The following ZNF335 variants were observed in gnomAD, a reference collection of about 807,000 sequenced individuals.
The protein encoded by ZNF335 is zinc finger protein 335, also known as NRC-interacting factor 1.
Under a neutral mutation model 145.6 loss-of-function variants are expected in ZNF335, and 84 were observed. That is an observed-to-expected ratio of 0.58 (90% CI 0.48 to 0.69). ZNF335 has a LOEUF of 0.69. Ranked by LOEUF, ZNF335 falls within the 30% of genes least tolerant of loss-of-function variation. ZNF335 has a pLI of 0.00. For synonymous variants in ZNF335, 761 were observed against 717.0 expected (o/e 1.06, Z -0.98); for missense variants, 1,865 against 1,809.7 (o/e 1.03, Z -0.55).
intron 15 of ZNF335, 40 bp downstream of exon 15, chr20:45,959,161 C>G (rs201865334): frequency 4.6e-6 from 6 of 1,310,972 alleles, no homozygotes; most frequent in Non-Finnish European, 5.9e-6. Flanking sequence ...CTGGGAGAAG[C>G]GGCCTCACTC....
In ZNF335 at chr20:45,963,866, G is replaced by A. The variant is rs1383010841; in HGVS notation, c.1227C>T (p.Thr409=). The change falls in exon 8 of 28, where the codon ACC becomes ACT. Residue 409 remains threonine, a synonymous_variant. Transcript: ENST00000322927. ...HLVAMGKVSR[T]PVEAGVSQSD... is the part of the protein sequence containing the mutation. ...ACTGGCTCACACCAGCTTCCACAGGGGTCCTGCTCACCTTGCCCATGGCCA... is the reference window on the plus strand; with the variant it reads ...ACTGGCTCACACCAGCTTCCACAGGAGTCCTGCTCACCTTGCCCATGGCCA... The A allele has an allele frequency of 6.2e-7, 1 of 1,610,196 alleles. No individual in the cohort carries two copies. Among genetic ancestry groups the A allele is most frequent in the Admixed American group, 1.7e-5 (1 of 59,688 alleles).
At position 45,971,273 on chromosome 20, in the gene ZNF335, C is replaced by T; in HGVS notation, c.138G>A (p.Pro46=). ...SADSSDAAAA[P]GQAEADDSGV... ...CAGAGTCATCGGCCTCTGCCTGCCC[C>T]GGGGCGGCCGCGGCGTCGCTGCTGT... Residue 46 remains proline, a synonymous_variant, in exon 2 of 28, where the codon CCG becomes CCA. Coordinates refer to ENST00000322927, the MANE Select transcript of ZNF335 (RefSeq NM_022095.4). The T allele has an allele frequency of 6.4e-7, 1 of 1,571,298 alleles. No homozygotes were observed. The highest frequency in any genetic ancestry group is 8.6e-7 in the Non-Finnish European group (1 of 1,164,418).
At chr20:45,968,528 C>T in intron 3 of ZNF335, 166 bp from the exon 4 acceptor site, 4 of 594,442 alleles carry the variant, frequency 6.7e-6, no homozygotes, top group South Asian at 6.4e-5. Context: ...TCAGTTGACT[C>T]CCCTGGCAGG....
intron 26 of ZNF335, 26 bp from the exon 27 acceptor site, chr20:45,949,277 C>G (rs771016780): frequency 6.2e-7 from 1 of 1,613,936 alleles, no homozygotes; most frequent in Non-Finnish European, 8.5e-7. Flanking sequence ...TGATAAGATG[C>G]TGGCCTGGAG....
chr20:45,962,055 C>A lies in ZNF335; in HGVS notation c.1646+15G>T. ...TGGCCTCTCTTGCCCAGGTCCCTCC[C>A]ACCCCCACACTGACCGGTCCCGGCT... On this transcript the variant is annotated intron_variant, in intron 10 of 27. Transcript: ENST00000322927. The A allele has an allele frequency of 6.2e-7, 1 of 1,604,626 alleles. No individual in the cohort carries two copies.
At chr20:45,964,995 C>T (rs972314694) in intron 7 of ZNF335, among the ~76,000 whole-genome samples, 1 of 151,282 alleles carries the variant, frequency 6.6e-6, no homozygotes, top group Non-Finnish European at 1.5e-5. Context: ...CATGACGCTG[C>T]ACTCCAGCCC....
chr20:45,963,946 G>C lies in ZNF335; in HGVS notation c.1147C>G (p.Pro383Ala), dbSNP rs764446651. Residue 383 changes from proline to alanine, a missense_variant, in exon 8 of 28, where the codon CCT (proline) becomes GCT (alanine). Transcript: ENST00000322927. ...PLVSSQSGQS[P>A]PEPQDPEAPS... The stretch of plus-strand genomic sequence containing the variant: ...GCCTCGGGATCCTGTGGCTCTGGAG[G>C]GCTCTGTCCACTCTGGGAACTCACT... 1.3e-6 allele frequency: 2 copies of C among 1,544,130 alleles called. No individual in the cohort carries two copies. The highest frequency in any genetic ancestry group is 1.7e-6 in the Non-Finnish European group (2 of 1,146,904).
Position 45,967,578 on chromosome 20 carries a change from A to G in ZNF335, c.871T>C (p.Ser291Pro). ...KKGRLRKWSTSTKSQEEEGPE... is the reference protein window; with the variant it reads ...KKGRLRKWSTPTKSQEEEGPE... ...CCCTCTTCCTCTTGGCTCTTGGTGGAGGTGCTCCACTTCCGTAGACGTCCT... is the reference window on the plus strand; with the variant it reads ...CCCTCTTCCTCTTGGCTCTTGGTGGGGGTGCTCCACTTCCGTAGACGTCCT... The change falls in exon 6 of 28, where the codon TCC (serine) becomes CCC (proline). Residue 291 changes from serine to proline, a missense_variant. Ser to Pro is a moderately conservative substitution (Grantham distance 74). Coordinates refer to ENST00000322927, the MANE Select transcript of ZNF335 (RefSeq NM_022095.4). 1 of 1,613,750 alleles carries G rather than the reference A, an allele frequency of 6.2e-7. No homozygotes were observed. The highest frequency in any genetic ancestry group is 8.5e-7 in the Non-Finnish European group (1 of 1,179,882).
intron 20 of ZNF335, 122 bp from the exon 21 acceptor site, chr20:45,950,717 T>A: frequency 2.2e-6 from 3 of 1,371,658 alleles, no homozygotes; most frequent in Non-Finnish European, 3.0e-6. Context: ...ACCAAAATCC[T>A]GTGCACTAAC....
At chr20:45,956,945 C>G (rs2083739212) in intron 17 of ZNF335, among the ~76,000 whole-genome samples, 1 of 152,164 alleles carries the variant, frequency 6.6e-6, no homozygotes, top group Admixed American at 6.5e-5. Context: ...CTATACACCC[C>G]TAACTGCCAT....
chr20:45,954,057 GACCAGTGCTGCC>G, intron 17 of ZNF335, 109 bp from the exon 18 acceptor site: 1 of 1,313,934 alleles, frequency 7.6e-7, no homozygotes, highest in Admixed American at 2.4e-5. Context: ...ACTCTAGTCA[GACCAGTGCTGCC>G]ACCACTCATT....
chr20:45,958,111 C>G (rs1022655912), intron 15 of ZNF335, among the ~76,000 whole-genome samples, 183 bp from the exon 16 acceptor site: 1 of 151,080 alleles, frequency 6.6e-6, no homozygotes, highest in African/African-American at 2.4e-5. Context: ...TACAATGGCT[C>G]AATCTAGGCT....
intron 14 of ZNF335, 89 bp from the exon 15 acceptor site, chr20:45,959,522 A>G (rs1323486327): frequency 1.0e-6 from 1 of 1,000,124 alleles, no homozygotes; most frequent in Non-Finnish European, 1.4e-6. Context: ...GGATCTCTCC[A>G]ACTGACTGAC....
At chr20:45,954,022 C>A in intron 17 of ZNF335, 74 bp from the exon 18 acceptor site, 1 of 1,490,942 alleles carries the variant, frequency 6.7e-7, no homozygotes, top group Non-Finnish European at 9.0e-7. Flanking sequence ...CCTCCCCCAT[C>A]TCAGTGTCCC....
chr20:45,950,281 G>A lies in ZNF335; in HGVS notation c.3425C>T (p.Thr1142Ile). 1 of 1,558,582 alleles carries A rather than the reference G, an allele frequency of 6.4e-7. No homozygotes were observed. The highest frequency in any genetic ancestry group is 1.8e-5 in the Admixed American group (1 of 54,204). ...GATGATGGTCTGGGTTGGGGTCTGG[G>A]TAGGGGCCCGGGCTGTAGGGGTTCC... ...KSGTPTARAP[T>I]QTPTQTIILN... Residue 1142 changes from threonine to isoleucine, a missense_variant, in exon 22 of 28, where the codon ACC becomes ATC. By Grantham distance (89) the Thr-to-Ile change is moderately conservative (BLOSUM62 -1). Transcript: ENST00000322927.
In ZNF335 at chr20:45,963,652, T is replaced by C. The variant is rs1201925013; in HGVS notation, c.1356-2A>G. On this transcript the variant is annotated splice_acceptor_variant, in intron 8 of 27. Transcript: ENST00000322927. LOFTEE classifies it high-confidence loss of function. ...GGTTTGGGCGACTTGTAATAGTACC[T>C]GCAGGATGAGAGTGTGGCGGAAAGG... 1.2e-6 allele frequency: 2 copies of C among 1,614,086 alleles called. No individual in the cohort carries two copies. The highest frequency in any genetic ancestry group is 1.7e-6 in the Non-Finnish European group (2 of 1,179,928).
chr20:45,949,134 A>T lies in ZNF335; in HGVS notation c.3901+36T>A, dbSNP rs2083579110. On this transcript the variant is annotated intron_variant, in intron 27 of 27. Coordinates refer to ENST00000322927, the MANE Select transcript of ZNF335 (RefSeq NM_022095.4). ...CTGGAGGCTCAAGAGCTGGGTCCATACCCAGCCCCATGCTCCTCAGGATCC... is the reference window on the plus strand; with the variant it reads ...CTGGAGGCTCAAGAGCTGGGTCCATTCCCAGCCCCATGCTCCTCAGGATCC... The T allele has an allele frequency of 3.7e-6, 6 of 1,613,370 alleles. No homozygotes were observed. In the East Asian group the frequency reaches 1.1e-4, roughly 30 times the overall value.
In ZNF335 at chr20:45,957,882, A is replaced by G; in HGVS notation, c.2300T>C (p.Leu767Ser). 1 of 1,614,020 alleles carries G rather than the reference A, an allele frequency of 6.2e-7. No homozygotes were observed. The highest frequency in any genetic ancestry group is 1.1e-5 in the South Asian group (1 of 91,082). ...GCCGCCCAGGGTGTCAGAACAGAGC[A>G]ATGAGGGAGCCTCAGATGACTGGAA... ...TTFQSSEAPS[L>S]LCSDTLGGAT... Residue 767 changes from leucine to serine, a missense_variant, in exon 16 of 28, where the codon TTG (leucine) becomes TCG (serine). Transcript: ENST00000322927.
At chr20:45,962,785 A>G (rs1194406229) in intron 9 of ZNF335, among the ~76,000 whole-genome samples, 1 of 150,652 alleles carries the variant, frequency 6.6e-6, no homozygotes, top group East Asian at 1.9e-4. Context: ...GCTTGTGTTA[A>G]GGAGAAAAAG....
Sources: allele counts gnomAD v4.1 joint callset (sites outside exome capture counted in the v4.1 genomes callset), GRCh38; gene constraint gnomAD v4.1.1; transcripts MANE v1.5; gene names NCBI Gene and HGNC (gene_info 2026-07-23, HGNC 2026-07-21).